The following ANK3 variants were observed in gnomAD, a reference collection of about 807,000 sequenced individuals.
The protein encoded by ANK3 is ankyrin-3.
ANK3 carries 57 observed loss-of-function variants against 370.9 expected under a neutral mutation model. The observed-to-expected ratio is 0.15, with a 90% CI of 0.12 to 0.19. The LOEUF (loss-of-function observed/expected upper bound fraction) is 0.19. Ranked by LOEUF, ANK3 falls within the 10% of genes least tolerant of loss-of-function variation. The pLI, the probability that ANK3 is intolerant of heterozygous loss-of-function variation, is 1.00. For synonymous variants in ANK3, 1,929 were observed against 1,946.3 expected (o/e 0.99, Z 0.23); for missense variants, 4,439 against 5,302.1 (o/e 0.84, Z 5.06).
chr10:60,307,190 T>A (rs2045328311), intron 1 of ANK3, among the ~76,000 whole-genome samples: 1 of 152,260 alleles, frequency 6.6e-6, no homozygotes. Context: ...GCTGTCATAC[T>A]ACAATGACAG....
intron 2 of ANK3, among the ~76,000 whole-genome samples, chr10:60,549,133 T>C (rs920207530): frequency 9.8e-5 from 12 of 122,452 alleles, no homozygotes; most frequent in African/African-American, 3.5e-4. Context: ...GAGAAGGGCA[T>C]GTTTCATACA....
intron 8 of ANK3, 101 bp from the exon 9 acceptor site, chr10:60,213,611 C>A: frequency 1.6e-6 from 1 of 606,780 alleles, no homozygotes; most frequent in South Asian, 4.3e-5. Context: ...ATGCTGTGGT[C>A]AAGCGGGCTT....
intron 1 of ANK3, among the ~76,000 whole-genome samples, chr10:60,350,479 T>C (rs1373314009): frequency 6.6e-6 from 1 of 152,164 alleles, no homozygotes; most frequent in East Asian, 1.9e-4. Flanking sequence ...AGATAAGAAG[T>C]AATTTACAGA....
At chr10:60,520,746 A>G (rs143939789) in intron 2 of ANK3, among the ~76,000 whole-genome samples, 75 of 152,208 alleles carry the variant, frequency 4.9e-4, no homozygotes, top group African/African-American at 1.8e-3. Context: ...CACTCAAATC[A>G]TTTTGATTGG....
At chr10:60,210,145 C>T (rs1006481548) in intron 9 of ANK3, among the ~76,000 whole-genome samples, 7 of 152,092 alleles carry the variant, frequency 4.6e-5, no homozygotes, top group African/African-American at 9.7e-5. Flanking sequence ...CTGTGTTCTG[C>T]GCATGAAAAT....
At chr10:60,176,801 C>CA (rs200508132) in intron 18 of ANK3, among the ~76,000 whole-genome samples, 572 of 151,730 alleles carry the variant, frequency 3.8e-3, no homozygotes, top group Middle Eastern at 6.8e-3. Flanking sequence ...AACAAACAAA[C>CA]AAAAAAAACC....
At chr10:60,157,886 A>AAGAGAGAGAGAGAGAGAG in intron 23 of ANK3, among the ~76,000 whole-genome samples, 1 of 132,770 alleles carries the variant, frequency 7.5e-6, no homozygotes, top group Admixed American at 7.8e-5. Flanking sequence ...GAGAGAGAAA[A>AAGAGAGAGAGAGAGAGAG]AGAGAGAGAG....
At chr10:60,484,453 A>G (rs191354694) in intron 2 of ANK3, among the ~76,000 whole-genome samples, 1 of 152,320 alleles carries the variant, frequency 6.6e-6, no homozygotes, top group Non-Finnish European at 1.5e-5. Context: ...AGTCCTATCT[A>G]TTAGAGATAT....
At chr10:60,613,364 A>T (rs6479721) in intron 2 of ANK3, among the ~76,000 whole-genome samples, 2 of 152,038 alleles carry the variant, frequency 1.3e-5, no homozygotes, top group African/African-American at 2.4e-5. Context: ...TTATTTAACT[A>T]TCTGAATAGC....
At chr10:60,200,047 A>T in intron 13 of ANK3, 82 bp downstream of exon 13, 1 of 977,418 alleles carries the variant, frequency 1.0e-6, no homozygotes. Context: ...TTCTTGAAAG[A>T]CTGCATGTAT....
intron 7 of ANK3, among the ~76,000 whole-genome samples, chr10:60,236,111 C>T (rs1238895473): frequency 6.6e-6 from 1 of 152,102 alleles, no homozygotes; most frequent in Non-Finnish European, 1.5e-5. Context: ...CAGTAAACAT[C>T]AACCTTTAGC....
At chr10:60,047,184 A>T (rs1021173444) in intron 42 of ANK3, among the ~76,000 whole-genome samples, 1 of 152,200 alleles carries the variant, frequency 6.6e-6, no homozygotes, top group Admixed American at 6.5e-5. Flanking sequence ...CTTGTTGACA[A>T]CATCATTTCT....
chr10:60,061,721 AT>A (rs1406572081), intron 40 of ANK3, among the ~76,000 whole-genome samples: 2 of 150,474 alleles, frequency 1.3e-5, no homozygotes, highest in Non-Finnish European at 3.0e-5. Context: ...TATGCTTTAA[AT>A]CTTTTGTTGA....
intron 2 of ANK3, among the ~76,000 whole-genome samples, chr10:60,472,607 T>C (rs1305193561): frequency 6.6e-6 from 1 of 152,182 alleles, no homozygotes; most frequent in Non-Finnish European, 1.5e-5. Flanking sequence ...CAGCATTTTA[T>C]AAACTTATCA....
At chr10:60,280,142 C>T (rs910772584) in intron 1 of ANK3, among the ~76,000 whole-genome samples, 2 of 152,188 alleles carry the variant, frequency 1.3e-5, no homozygotes, top group African/African-American at 4.8e-5. Context: ...CAGCTCACTG[C>T]AGCCTCGAAC....
chr10:60,139,408 T>TCCTCA (rs921962185), intron 23 of ANK3: 1 of 258,772 alleles, frequency 3.9e-6, no homozygotes, highest in African/African-American at 2.2e-5. Context: ...GTTATAGTTT[T>TCCTCA]CCTCACCTCA....
At chr10:60,192,308 T>C (rs2096497353) in intron 16 of ANK3, among the ~76,000 whole-genome samples, 1 of 151,590 alleles carries the variant, frequency 6.6e-6, no homozygotes, top group Non-Finnish European at 1.5e-5. Context: ...ATACCATGTG[T>C]GTATGTGTGT....
chr10:60,359,579 G>T (rs1212007355), intron 1 of ANK3, among the ~76,000 whole-genome samples: 1 of 152,168 alleles, frequency 6.6e-6, no homozygotes, highest in Non-Finnish European at 1.5e-5. Flanking sequence ...TGTGATTTAT[G>T]ATTTCCTTAG....
At chr10:60,095,020 G>C (rs1209454963) in intron 28 of ANK3, among the ~76,000 whole-genome samples, 3 of 152,228 alleles carry the variant, frequency 2.0e-5, no homozygotes, top group East Asian at 1.9e-4. Context: ...GGCCCCAAGG[G>C]GGAAGGAGGC....
Sources: gnomAD v4.1 joint callset for allele counts (sites outside exome capture counted in the v4.1 genomes callset) on GRCh38, gnomAD v4.1.1 for gene constraint, MANE v1.5 for transcripts, NCBI Gene and HGNC (gene_info 2026-07-23, HGNC 2026-07-21) for gene names.